XPR1: variants seen among roughly 807,000 people sequenced by gnomAD.
XPR1 encodes xenotropic and polytropic retrovirus receptor 1.
XPR1 carries 28 observed loss-of-function variants against 87.5 expected under a neutral mutation model. That is an observed-to-expected ratio of 0.32 (90% CI 0.24 to 0.44). XPR1 has a LOEUF of 0.44. XPR1 is among the 20% of genes least tolerant of loss of function. XPR1 has a pLI of 1.00. For missense variants in XPR1, 559 were observed against 862.3 expected (o/e 0.65, Z 4.41); for synonymous variants, 300 against 306.1 (o/e 0.98, Z 0.21).
intron 1 of XPR1, among the ~76,000 whole-genome samples, chr1:180,650,976 CT>C (rs1185345391): frequency 2.6e-5 from 4 of 152,084 alleles, no homozygotes; most frequent in African/African-American, 9.7e-5. Flanking sequence ...ACAGAAATAA[CT>C]TTTTTTAAGT....
Position 180,888,698 on chromosome 1 carries a change from C to T in XPR1, c.*4632C>T, listed in dbSNP as rs1653093737. 1.3e-5 allele frequency: 2 copies of T among 152,164 alleles called. No homozygotes were observed. Among genetic ancestry groups the T allele is most frequent in the African/African-American group, 4.8e-5 (2 of 41,450 alleles). 9.4% of individuals were successfully genotyped at this position (152,164 alleles called of 1,614,324 possible). On this transcript the variant is annotated 3_prime_UTR_variant, in exon 15 of 15. Coordinates refer to ENST00000367590, the MANE Select transcript of XPR1 (RefSeq NM_004736.4). ...TAAGACAAGGAGTGTTAAAGGTTTT[C>T]TAAATGCAAACACATACGTTTCTGC...
At chr1:180,827,177 A>AAAAAAG (rs1491161217) in intron 9 of XPR1, among the ~76,000 whole-genome samples, 4 of 136,830 alleles carry the variant, frequency 2.9e-5, no homozygotes, top group African/African-American at 1.1e-4. Context: ...AAAAAAAAAA[A>AAAAAAG]GGGGGTCTCC....
intron 7 of XPR1, among the ~76,000 whole-genome samples, chr1:180,814,135 C>G (rs1365138440): frequency 6.6e-6 from 1 of 152,128 alleles, no homozygotes; most frequent in African/African-American, 2.4e-5. Flanking sequence ...TTAAGACTAT[C>G]AATTGTATAT....
chr1:180,758,401 G>A (rs114894207), intron 2 of XPR1, among the ~76,000 whole-genome samples: 5,790 of 152,230 alleles, frequency 0.038, 225 homozygotes, highest in Admixed American at 0.12. Context: ...TACCACTGAA[G>A]TATACACTTA....
chr1:180,817,831 T>G (rs1486406174), intron 7 of XPR1, among the ~76,000 whole-genome samples: 3 of 152,208 alleles, frequency 2.0e-5, no homozygotes, highest in Non-Finnish European at 4.4e-5. Context: ...CTAGGATGCT[T>G]GTAATATGCT....
In XPR1 at chr1:180,811,350, A is replaced by G. The variant is rs545358537; in HGVS notation, c.682-57A>G. The G allele has an allele frequency of 1.3e-5, 17 of 1,335,842 alleles. No homozygotes were observed. In the African/African-American group the frequency reaches 2.3e-4, roughly 18 times the overall value. 82.7% of individuals were successfully genotyped at this position (1,335,842 alleles called of 1,614,324 possible). A position where few individuals can be genotyped will look rare whatever the true frequency, so the allele number is the denominator to read the frequency against. On this transcript the variant is annotated intron_variant, in intron 6 of 14. Coordinates refer to ENST00000367590, the MANE Select transcript of XPR1 (RefSeq NM_004736.4). ...TCATTCTACTATTTTATTACAGCAT[A>G]TAGTAAATACAATCAGTGTTTTGTC... is the stretch of plus-strand genomic sequence containing the variant.
At chr1:180,720,664 C>T (rs1053511535) in intron 2 of XPR1, among the ~76,000 whole-genome samples, 6 of 152,148 alleles carry the variant, frequency 3.9e-5, no homozygotes, top group African/African-American at 1.2e-4. Flanking sequence ...TCTTGGACCT[C>T]ACCCCAGATC....
At chr1:180,729,341 C>T (rs186669532) in intron 2 of XPR1, among the ~76,000 whole-genome samples, 1 of 152,190 alleles carries the variant, frequency 6.6e-6, no homozygotes, top group Admixed American at 6.5e-5. Flanking sequence ...ATTTTATATT[C>T]CTTTGGGTGT....
chr1:180,723,912 T>C (rs964805322), intron 2 of XPR1, among the ~76,000 whole-genome samples: 8 of 152,344 alleles, frequency 5.3e-5, no homozygotes, highest in African/African-American at 1.7e-4. Flanking sequence ...ATATGACCAT[T>C]AGTGCTTTTC....
intron 7 of XPR1, among the ~76,000 whole-genome samples, chr1:180,815,255 T>TATATATACAGAC (rs1650366769): frequency 6.6e-6 from 1 of 152,198 alleles, no homozygotes; most frequent in Non-Finnish European, 1.5e-5. Flanking sequence ...GAGGGTTTTT[T>TATATATACAGAC]TGTTTAGTAT....
intron 11 of XPR1, among the ~76,000 whole-genome samples, chr1:180,841,112 A>G (rs569566820): frequency 1.1e-4 from 16 of 152,212 alleles, no homozygotes; most frequent in African/African-American, 3.9e-4. Flanking sequence ...TTTTTACCAC[A>G]GTTTTTTTTT....
chr1:180,783,369 A>T (rs1044106467), intron 2 of XPR1, among the ~76,000 whole-genome samples: 1 of 152,060 alleles, frequency 6.6e-6, no homozygotes, highest in Non-Finnish European at 1.5e-5. Flanking sequence ...CCAGTTAATA[A>T]TATCCTTTAT....
chr1:180,705,138 C>A (rs1657516309), intron 2 of XPR1, among the ~76,000 whole-genome samples: 1 of 151,940 alleles, frequency 6.6e-6, no homozygotes, highest in Non-Finnish European at 1.5e-5. Flanking sequence ...GCATGGCAAC[C>A]ACAAGCATAA....
chr1:180,866,366 C>T (rs1454782924), intron 12 of XPR1, among the ~76,000 whole-genome samples: 1 of 152,190 alleles, frequency 6.6e-6, no homozygotes, highest in African/African-American at 2.4e-5. Flanking sequence ...ATTAACAGTT[C>T]TTAAAATCAG....
intron 7 of XPR1, among the ~76,000 whole-genome samples, chr1:180,819,879 G>A (rs1445986925): frequency 6.6e-6 from 1 of 151,956 alleles, no homozygotes; most frequent in Admixed American, 6.6e-5. Flanking sequence ...AATTCCCTGG[G>A]TGTGGTGGTG....
chr1:180,708,115 T>A (rs1435655726), intron 2 of XPR1, among the ~76,000 whole-genome samples: 3 of 152,208 alleles, frequency 2.0e-5, no homozygotes, highest in Non-Finnish European at 2.9e-5. Context: ...ATTAGCTGCG[T>A]GATACTGTTT....
intron 3 of XPR1, among the ~76,000 whole-genome samples, chr1:180,799,254 T>A (rs1474300945): frequency 6.6e-6 from 1 of 152,204 alleles, no homozygotes; most frequent in Non-Finnish European, 1.5e-5. Context: ...TGTGAGTGGA[T>A]TATTACTTAC....
intron 2 of XPR1, among the ~76,000 whole-genome samples, chr1:180,786,225 A>AC (rs1400656514): frequency 6.7e-6 from 1 of 149,580 alleles, no homozygotes; most frequent in African/African-American, 2.4e-5. Flanking sequence ...GCTTTTTAGA[A>AC]CCTTAAGCTT....
At chr1:180,774,384 CTTTTTTTTTT>C (rs71121051) in intron 2 of XPR1, among the ~76,000 whole-genome samples, 2 of 68,900 alleles carry the variant, frequency 2.9e-5, no homozygotes, top group African/African-American at 1.2e-4. Context: ...TCTTTCCTAT[CTTTTTTTTTT>C]TTTTTTTTTT....
Sources: gnomAD v4.1 joint callset for allele counts (sites outside exome capture counted in the v4.1 genomes callset) on GRCh38, gnomAD v4.1.1 for gene constraint, MANE v1.5 for transcripts, NCBI Gene and HGNC (gene_info 2026-07-23, HGNC 2026-07-21) for gene names.